The following HIP1 variants were observed in gnomAD, a reference collection of about 807,000 sequenced individuals.
HIP1 encodes the protein huntingtin interacting protein 1, also known as huntingtin-interacting protein 1.
HIP1 carries 65 observed loss-of-function variants against 147.6 expected under a neutral mutation model. The observed-to-expected ratio is 0.44, with a 90% confidence interval of 0.36 to 0.54. The LOEUF is 0.54. HIP1 is among the 20% of genes least tolerant of loss of function. The probability of loss-of-function intolerance (pLI) is 0.00; values close to 1 mark genes in which losing one functional copy is unlikely to be tolerated. For synonymous variants in HIP1, 479 were observed against 504.0 expected (o/e 0.95, Z 0.67); for missense variants, 1,061 against 1,299.6 (o/e 0.82, Z 2.82).
intron 18 of HIP1, 143 bp from the exon 19 acceptor site, chr7:75,555,694 G>GC: frequency 1.1e-6 from 1 of 900,358 alleles, no homozygotes; most frequent in Non-Finnish European, 1.7e-6. Context: ...AGAGAAAGGC[G>GC]CTTTAACTGT....
intron 1 of HIP1, among the ~76,000 whole-genome samples, chr7:75,699,919 C>T (rs567798210): frequency 4.5e-4 from 68 of 152,108 alleles, no homozygotes; most frequent in Admixed American, 1.0e-3. Flanking sequence ...GGCACAATCT[C>T]GGCTCACTGC....
chr7:75,737,097 T>G (rs1554523777), intron 1 of HIP1, among the ~76,000 whole-genome samples: 1 of 151,976 alleles, frequency 6.6e-6, no homozygotes, highest in Non-Finnish European at 1.5e-5. Context: ...AATTTTAAAA[T>G]TTTTTCAAAA....
intron 1 of HIP1, among the ~76,000 whole-genome samples, chr7:75,638,003 C>CAA (rs1563261842): frequency 2.3e-5 from 1 of 43,820 alleles, no homozygotes; most frequent in Non-Finnish European, 4.5e-5. Context: ...CACACACACA[C>CAA]ATACACACAC....
chr7:75,554,507 G>T lies in HIP1; in HGVS notation c.1983C>A (p.Val661=). ...GCTCGATGCAGCTGGAAATGGATGT[G>T]ACCGTGGAGAGGAGGTGATCTGTGA... ...AGSADHLLST[V]TSISSCIEQL... is the part of the protein sequence containing the mutation. The change falls in exon 20 of 31, where the codon GTC becomes GTA. Residue 661 remains valine, a synonymous_variant. Transcript: ENST00000336926. The T allele has an allele frequency of 6.2e-7, 1 of 1,613,664 alleles. No homozygotes were observed. Among genetic ancestry groups the T allele is most frequent in the South Asian group, 1.1e-5 (1 of 90,974 alleles).
intron 22 of HIP1, among the ~76,000 whole-genome samples, chr7:75,549,925 C>T (rs1050478189): frequency 1.3e-5 from 2 of 150,926 alleles, no homozygotes; most frequent in East Asian, 3.9e-4. Flanking sequence ...ATCCTCCTGT[C>T]TTGGCTTCCC....
intron 1 of HIP1, among the ~76,000 whole-genome samples, chr7:75,612,314 A>G (rs1489725683): frequency 6.6e-6 from 1 of 152,182 alleles, no homozygotes; most frequent in Non-Finnish European, 1.5e-5. Flanking sequence ...GCTCCAGACC[A>G]GCCTGGCCGA....
intron 19 of HIP1, among the ~76,000 whole-genome samples, chr7:75,555,138 G>A (rs1280143227): frequency 1.5e-5 from 2 of 131,750 alleles, no homozygotes; most frequent in Admixed American, 9.4e-5. Flanking sequence ...AGTGAGCCAC[G>A]GCACTGCACT....
At chr7:75,673,391 C>T (rs1207492056) in intron 1 of HIP1, among the ~76,000 whole-genome samples, 1 of 152,010 alleles carries the variant, frequency 6.6e-6, no homozygotes, top group Non-Finnish European at 1.5e-5. Context: ...ATTTTGGTAT[C>T]AGCTTGTCTA....
intron 1 of HIP1, among the ~76,000 whole-genome samples, chr7:75,655,593 A>G (rs1213487962): frequency 6.6e-6 from 1 of 151,914 alleles, no homozygotes; most frequent in Non-Finnish European, 1.5e-5. Flanking sequence ...AAAAAAAAGA[A>G]AAGAAAAGAA....
At chr7:75,567,657 T>C (rs1301419021) in intron 9 of HIP1, among the ~76,000 whole-genome samples, 1 of 150,714 alleles carries the variant, frequency 6.6e-6, no homozygotes, top group Non-Finnish European at 1.5e-5. Flanking sequence ...AAAAATTAGC[T>C]GGGCATGGTG....
Position 75,638,805 on chromosome 7 carries a change from G to A in HIP1, c.121-39558C>T, listed in dbSNP as rs1011482514. On this transcript the variant is annotated intron_variant, in intron 1 of 30. Coordinates refer to ENST00000336926, the MANE Select transcript of HIP1 (RefSeq NM_005338.7). ...CCCGCAGCCCAGTCCCTGGAGTCCA[G>A]CGCGATCTCCCGGGCAGCCCGGCGG... 8.5e-5 allele frequency among the ~76,000 whole-genome samples: 13 copies of A among 152,262 alleles called. No individual in the cohort carries two copies. The East Asian group carries it at 2.5e-3, about 30-fold the overall frequency.
chr7:75,601,603 T>TCAA (rs1175101945), intron 1 of HIP1, among the ~76,000 whole-genome samples: 1 of 127,494 alleles, frequency 7.8e-6, no homozygotes, highest in Non-Finnish European at 1.7e-5. Flanking sequence ...AACAAAACTC[T>TCAA]CAACAACAAC....
chr7:75,557,105 C>A (rs1795039827), intron 16 of HIP1, among the ~76,000 whole-genome samples: 1 of 151,868 alleles, frequency 6.6e-6, no homozygotes, highest in Admixed American at 6.6e-5. Flanking sequence ...GTGGTGCAGT[C>A]TCAGCTCACT....
At chr7:75,630,458 CAA>C (rs34336932) in intron 1 of HIP1, among the ~76,000 whole-genome samples, 8,902 of 105,108 alleles carry the variant, frequency 0.085, 354 homozygotes, top group East Asian at 0.31. Flanking sequence ...AGATCCACCT[CAA>C]AAAAAAAAAA....
At chr7:75,616,494 A>G (rs1554506047) in intron 1 of HIP1, among the ~76,000 whole-genome samples, 1 of 151,946 alleles carries the variant, frequency 6.6e-6, no homozygotes, top group Non-Finnish European at 1.5e-5. Flanking sequence ...GCTGGTCTTG[A>G]GCTCCTGGCT....
intron 1 of HIP1, among the ~76,000 whole-genome samples, chr7:75,689,800 G>A (rs544902979): frequency 3.9e-5 from 6 of 152,210 alleles, no homozygotes; most frequent in African/African-American, 1.4e-4. Context: ...GACTGGCTGT[G>A]GGACGAGGGA....
At chr7:75,618,576 C>T (rs971773613) in intron 1 of HIP1, among the ~76,000 whole-genome samples, 1 of 152,016 alleles carries the variant, frequency 6.6e-6, no homozygotes. Flanking sequence ...CATGAGCCAC[C>T]GCACCCAGCT....
At chr7:75,638,481 G>A (rs1798518826) in intron 1 of HIP1, among the ~76,000 whole-genome samples, 1 of 152,168 alleles carries the variant, frequency 6.6e-6, no homozygotes, top group African/African-American at 2.4e-5. Context: ...AGGCGAAGGT[G>A]TTGGCTGCAC....
intron 1 of HIP1, among the ~76,000 whole-genome samples, chr7:75,607,511 G>A (rs781825284): frequency 3.3e-4 from 46 of 140,154 alleles, no homozygotes; most frequent in Non-Finnish European, 5.9e-4. Flanking sequence ...TTACAGACAT[G>A]AGCCACCATG....
Sources: allele counts gnomAD v4.1 joint callset (sites outside exome capture counted in the v4.1 genomes callset), GRCh38; gene constraint gnomAD v4.1.1; transcripts MANE v1.5; gene names NCBI Gene and HGNC (gene_info 2026-07-23, HGNC 2026-07-21).